Variants in EHF observed in about 807,000 individuals in gnomAD.
EHF encodes the protein ETS homologous factor, also known as ESE3 transcription factor.
A neutral mutation model predicts 45.1 loss-of-function variants in EHF; 14 were observed. That is an observed-to-expected ratio of 0.31 (90% CI 0.21 to 0.49). EHF has a LOEUF of 0.49. Ranked by LOEUF, EHF falls within the 20% of genes least tolerant of loss-of-function variation. EHF has a pLI of 0.99. For synonymous variants in EHF, 136 were observed against 131.8 expected (o/e 1.03, Z -0.22); for missense variants, 282 against 371.4 (o/e 0.76, Z 1.98).
Position 34,642,590 on chromosome 11 carries a change from G to A in EHF, c.-3-38G>A, listed in dbSNP as rs113397673. On this transcript the variant is annotated intron_variant, in intron 1 of 8. Coordinates refer to ENST00000257831, the MANE Select transcript of EHF (RefSeq NM_012153.6). ...GCACTTTCCAATGACATTTGTCCAA[G>A]AGGCACTGACTGAACAGGCTGTTTG... The A allele has an allele frequency of 1.2e-4, 153 of 1,265,994 alleles. 1 individual carries two copies. In the Middle Eastern group the frequency reaches 1.3e-3, roughly 11 times the overall value. 78.4% of individuals were successfully genotyped at this position (1,265,994 alleles called of 1,614,324 possible).
At chr11:34,656,073 C>T (rs1743605992) in intron 6 of EHF, among the ~76,000 whole-genome samples, 1 of 151,952 alleles carries the variant, frequency 6.6e-6, no homozygotes, top group Non-Finnish European at 1.5e-5. Context: ...CACACACACA[C>T]ACACATATAC....
At chr11:34,622,636 G>T (rs16925908) in intron 1 of EHF, among the ~76,000 whole-genome samples, 16,662 of 152,098 alleles carry the variant, frequency 0.11, 1,410 homozygotes, top group East Asian at 0.48. Flanking sequence ...GTTTGCAGAG[G>T]ATCCACTTTT....
At chr11:34,639,854 C>T (rs935409380) in intron 1 of EHF, among the ~76,000 whole-genome samples, 2 of 152,130 alleles carry the variant, frequency 1.3e-5, no homozygotes, top group African/African-American at 4.8e-5. Flanking sequence ...GGTGATGGGG[C>T]AGCTGCCACC....
intron 1 of EHF, chr11:34,622,295 G>T: frequency 2.0e-6 from 1 of 505,620 alleles, no homozygotes; most frequent in Non-Finnish European, 3.2e-6. Context: ...CTGGGTTCAA[G>T]TTCACAGGTG....
chr11:34,630,556 C>T (rs537385302), intron 1 of EHF, among the ~76,000 whole-genome samples: 1 of 151,994 alleles, frequency 6.6e-6, no homozygotes, highest in Non-Finnish European at 1.5e-5. Context: ...TGGTCTTTTC[C>T]TAGGAGGAAA....
At position 34,651,725 on chromosome 11, in the gene EHF, T is replaced by C. The variant is rs763025140; in HGVS notation, c.476-12T>C. On this transcript the variant is annotated splice_polypyrimidine_tract_variant and intron_variant, in intron 5 of 8. Coordinates refer to ENST00000257831, the MANE Select transcript of EHF (RefSeq NM_012153.6). ...GGTGCTCTAAATGTCCTTTATCTTT[T>C]CATGGCCACAGATTTGTTGGACAGC... is the stretch of plus-strand genomic sequence containing the variant. 5.0e-6 allele frequency: 8 copies of C among 1,614,034 alleles called. No homozygotes were observed. The South Asian group carries it at 8.8e-5, about 18-fold the overall frequency.
intron 1 of EHF, among the ~76,000 whole-genome samples, chr11:34,631,932 G>T (rs1283338414): frequency 6.6e-6 from 1 of 152,176 alleles, no homozygotes; most frequent in African/African-American, 2.4e-5. Context: ...GCTGGCTGGA[G>T]GCTGGCCATG....
rs534307512 is a variant in EHF, at chr11:34,645,181, T to G, written c.98-1258T>G. ...ACATGCCCTCAGATGCTGGTTTGTC[T>G]TTTCCATTGCCGCAGAACTTCGGGC... On this transcript the variant is annotated intron_variant, in intron 2 of 8. Transcript: ENST00000257831. Among the ~76,000 whole-genome samples, 9 of 152,302 alleles carry G rather than the reference T, an allele frequency of 5.9e-5. No homozygotes were observed. The South Asian group carries it at 1.9e-3, about 32-fold the overall frequency.
intron 4 of EHF, 54 bp downstream of exon 4, chr11:34,649,135 G>T: frequency 6.3e-7 from 1 of 1,591,264 alleles, no homozygotes; most frequent in South Asian, 1.1e-5. Flanking sequence ...CTCCGGGGAG[G>T]ACAGTTGGGA....
Position 34,626,701 on chromosome 11 carries a change from G to A in EHF, c.-4+5473G>A, listed in dbSNP as rs527976046. ...ACTAGGCAGAAGGCTGTGGGTCAAG[G>A]AATGTTGATGGAGTAAAATTTGACT... On this transcript the variant is annotated intron_variant, in intron 1 of 8. Coordinates refer to ENST00000257831, the MANE Select transcript of EHF (RefSeq NM_012153.6). Among the ~76,000 whole-genome samples, 32 of 152,316 alleles carry A rather than the reference G, an allele frequency of 2.1e-4. 1 individual carries two copies. Among genetic ancestry groups the A allele is most frequent in the Admixed American group, 8.5e-4 (13 of 15,308 alleles).
chr11:34,649,134 G>A, intron 4 of EHF, 53 bp downstream of exon 4: 1 of 1,589,786 alleles, frequency 6.3e-7, no homozygotes, highest in Admixed American at 1.7e-5. Flanking sequence ...GCTCCGGGGA[G>A]GACAGTTGGG....
rs542771970 is a variant in EHF at position 34,622,242 on chromosome 11, G to A, written c.-4+1014G>A. On this transcript the variant is annotated intron_variant, in intron 1 of 8. Transcript: ENST00000257831. ...TCTTTGCTGATTTACCATGCTCCCA[G>A]GATGGTGGGAGTGTGTGTTTTTAAG... The A allele has an allele frequency of 2.2e-5, 6 of 268,556 alleles. No homozygotes were observed. The South Asian group carries it at 2.4e-4, about 11-fold the overall frequency. The allele number at this position is 268,556 out of a possible 1,614,324, so 16.6% of individuals were successfully genotyped here. A position where few individuals can be genotyped will look rare whatever the true frequency, so the allele number is the denominator to read the frequency against.
At chr11:34,621,488 C>A (rs1219806094) in intron 1 of EHF, among the ~76,000 whole-genome samples, 2 of 152,084 alleles carry the variant, frequency 1.3e-5, no homozygotes, top group African/African-American at 4.8e-5. Context: ...TTTAAAAGCC[C>A]CCTCGTTTCC....
intron 1 of EHF, among the ~76,000 whole-genome samples, chr11:34,625,240 C>T (rs1267184680): frequency 6.6e-6 from 1 of 152,148 alleles, no homozygotes; most frequent in Non-Finnish European, 1.5e-5. Context: ...AGAATCCACT[C>T]CCATGACAAC....
At chr11:34,634,809 G>A (rs936713224) in intron 1 of EHF, among the ~76,000 whole-genome samples, 3 of 152,070 alleles carry the variant, frequency 2.0e-5, no homozygotes, top group East Asian at 1.9e-4. Context: ...GGCAGCAGAC[G>A]GCACAGGGAG....
In EHF at chr11:34,656,970, A is replaced by G. The variant is rs1855733886; in HGVS notation, c.607A>G (p.Asn203Asp). 1.2e-6 allele frequency: 2 copies of G among 1,613,386 alleles called. No individual in the cohort carries two copies. Among genetic ancestry groups the G allele is most frequent in the Non-Finnish European group, 1.7e-6 (2 of 1,179,690 alleles). The change falls in exon 7 of 9, where the codon AAC (asparagine) becomes GAC (aspartate). Residue 203 changes from asparagine to aspartate, a missense_variant and splice_region_variant. Physicochemically the swap from Asn to Asp is conservative, Grantham distance 23. Around this residue, in one of 3 missense-constraint regions of EHF, gnomAD observed 41 missense variants for 87.0 expected, o/e 0.47. Transcript: ENST00000257831. ...TGCCAAGTGCCACACCAAAAAGCAC[A>G]GTAAGTTGGCTGGCTTTCAGATGGC... ...PPAKCHTKKH[N>D]PRGTHLWEFI...
chr11:34,625,597 C>A (rs1852312246), intron 1 of EHF, among the ~76,000 whole-genome samples: 1 of 152,174 alleles, frequency 6.6e-6, no homozygotes. Flanking sequence ...AAAGCGTCAA[C>A]CTTGTATCTG....
rs1366366947 is a variant in EHF at position 34,659,521 on chromosome 11, C to T, written c.*590C>T. ...AGGTTGGCTATAATCTCTGCATAAC[C>T]ACATGACTTGGAATGCTTAAATCAG... On this transcript the variant is annotated 3_prime_UTR_variant, in exon 9 of 9. Coordinates refer to ENST00000257831, the MANE Select transcript of EHF (RefSeq NM_012153.6). The T allele has an allele frequency of 2.6e-5, 4 of 152,296 alleles. No homozygotes were observed. The highest frequency in any genetic ancestry group is 5.9e-5 in the Non-Finnish European group (4 of 68,140). 9.4% of individuals were successfully genotyped at this position (152,296 alleles called of 1,614,324 possible).
intron 7 of EHF, among the ~76,000 whole-genome samples, chr11:34,657,828 A>G (rs1000431120): frequency 6.9e-6 from 1 of 145,536 alleles, no homozygotes; most frequent in African/African-American, 2.5e-5. Context: ...ATTATGAGGA[A>G]TTAGAATGTC....
Sources: allele counts gnomAD v4.1 joint callset (sites outside exome capture counted in the v4.1 genomes callset), GRCh38; gene constraint gnomAD v4.1.1; regional missense constraint gnomAD v4.1.1; transcripts MANE v1.5; gene names NCBI Gene and HGNC (gene_info 2026-07-23, HGNC 2026-07-21).